RNF138: variants seen among roughly 807,000 people sequenced by gnomAD.
The protein encoded by RNF138 is E3 ubiquitin-protein ligase RNF138.
In RNF138, 12 loss-of-function variants were observed where a neutral mutation model predicts 31.0. The ratio of observed to expected loss-of-function variants is 0.39; its 90% CI spans 0.25 to 0.63. The LOEUF (loss-of-function observed/expected upper bound fraction) is 0.63, where lower values mean the gene tolerates loss of function less well. Among genes scored for constraint, RNF138 ranks in the 20% least tolerant of loss-of-function variants. The pLI is 0.52. For missense variants in RNF138, 192 were observed against 300.1 expected (o/e 0.64, Z 2.66); for synonymous variants, 105 against 99.5 (o/e 1.06, Z -0.33).
chr18:32,101,056 G>C (rs918196474), intron 2 of RNF138, among the ~76,000 whole-genome samples: 3 of 152,144 alleles, frequency 2.0e-5, no homozygotes, highest in African/African-American at 7.2e-5. Context: ...ATATCTAAGA[G>C]AGATATAGGT....
At chr18:32,108,306 C>T (rs1215369915) in intron 2 of RNF138, among the ~76,000 whole-genome samples, 1 of 152,150 alleles carries the variant, frequency 6.6e-6, no homozygotes, top group African/African-American at 2.4e-5. Flanking sequence ...CCCAGAAACT[C>T]CCCTAATGTT....
rs535284494 is a variant in RNF138 at position 32,100,512 on chromosome 18, G to C, written c.110+7626G>C. ...TTTTTTGAGACGGAGTTTTGCTCTT[G>C]TTGGCCAGGCTGGAGTGCAATGGCG... On this transcript the variant is annotated intron_variant, in intron 2 of 7. Transcript: ENST00000261593. Among the ~76,000 whole-genome samples the C allele has an allele frequency of 8.7e-3, 896 of 103,490 alleles. 15 individuals are homozygous for C. The highest frequency in any genetic ancestry group is 0.032 in the African/African-American group (865 of 27,240). 67.9% of individuals were successfully genotyped at this position (103,490 alleles called of 152,430 possible).
At chr18:32,093,148 C>CCCGCTCTT (rs1388431939) in intron 2 of RNF138, among the ~76,000 whole-genome samples, 3 of 150,024 alleles carry the variant, frequency 2.0e-5, no homozygotes, top group Non-Finnish European at 3.0e-5. Context: ...CTCCCGCTCT[C>CCCGCTCTT]CCTGGCTTTC....
chr18:32,116,692 TG>T (rs1367493212), intron 4 of RNF138, among the ~76,000 whole-genome samples: 1 of 151,624 alleles, frequency 6.6e-6, no homozygotes, highest in Non-Finnish European at 1.5e-5. Context: ...GCTAGGACCA[TG>T]GGCGCATGCC....
In RNF138 at chr18:32,092,784, A is replaced by C. The variant is rs768736694; in HGVS notation, c.8A>C (p.Glu3Ala). MAEDLSAATSYTE... is the reference protein window; with the variant it reads MAADLSAATSYTE... ...GTTTCCCCATCCCCCGCCATGGCCGAGGACCTCTCTGCGGCCACGTCCTAC... is the reference window on the plus strand; with the variant it reads ...GTTTCCCCATCCCCCGCCATGGCCGCGGACCTCTCTGCGGCCACGTCCTAC... Residue 3 changes from glutamate (E) to alanine (A), a missense_variant, in exon 2 of 8, where the codon GAG (glutamate) becomes GCG (alanine). Coordinates refer to ENST00000261593, the MANE Select transcript of RNF138 (RefSeq NM_016271.5). 3.2e-6 allele frequency: 5 copies of C among 1,581,330 alleles called. No individual in the cohort carries two copies. In the South Asian group the frequency reaches 4.6e-5, roughly 15 times the overall value.
intron 5 of RNF138, 78 bp downstream of exon 5, chr18:32,123,652 C>CTTTTT: frequency 1.4e-5 from 9 of 636,952 alleles, no homozygotes; most frequent in South Asian, 5.0e-5. Context: ...TTAAATTAAA[C>CTTTTT]TTTTTTTTTT....
intron 4 of RNF138, among the ~76,000 whole-genome samples, chr18:32,121,200 AT>A (rs1365350671): frequency 6.6e-6 from 1 of 151,624 alleles, no homozygotes; most frequent in East Asian, 1.9e-4. Context: ...TAAAATAAAA[AT>A]TTTTTCAATC....
rs2039699090 is a variant in RNF138 at position 32,092,077 on chromosome 18, C to T, written c.-236C>T. The T allele has an allele frequency of 6.6e-6, 1 of 152,478 alleles. No individual in the cohort carries two copies. The highest frequency in any genetic ancestry group is 2.0e-4 in the South Asian group (1 of 4,882). The allele number at this position is 152,478 out of a possible 1,614,324, so 9.4% of individuals were successfully genotyped here. Reference sequence around the variant, plus strand: ...CCTCGGCTCCGGCCCCGTTAGGGGCCGATAAGCACAGCGCACGCCGCCCTC... The same window carrying T: ...CCTCGGCTCCGGCCCCGTTAGGGGCTGATAAGCACAGCGCACGCCGCCCTC... On this transcript the variant is annotated 5_prime_UTR_variant, in exon 1 of 8. The change creates a premature stop within an existing upstream ORF in the 5' untranslated region. Coordinates refer to ENST00000261593, the MANE Select transcript of RNF138 (RefSeq NM_016271.5).
At chr18:32,106,789 AT>A (rs1456940375) in intron 2 of RNF138, among the ~76,000 whole-genome samples, 9 of 151,872 alleles carry the variant, frequency 5.9e-5, no homozygotes, top group African/African-American at 2.2e-4. Context: ...GATGATCTTG[AT>A]TTCCTGACCT....
intron 2 of RNF138, among the ~76,000 whole-genome samples, chr18:32,095,588 TAG>T (rs926452112): frequency 1.3e-5 from 2 of 152,272 alleles, no homozygotes; most frequent in East Asian, 1.9e-4. Context: ...GATTCACGAA[TAG>T]AGAGTTGAAG....
At chr18:32,108,111 C>T (rs1399590156) in intron 2 of RNF138, among the ~76,000 whole-genome samples, 2 of 150,476 alleles carry the variant, frequency 1.3e-5, no homozygotes, top group African/African-American at 4.9e-5. Context: ...CGCCTCGGCT[C>T]CTCAAGGTGC....
At chr18:32,114,495 A>T (rs770801382) in intron 4 of RNF138, among the ~76,000 whole-genome samples, 77 of 152,316 alleles carry the variant, frequency 5.1e-4, no homozygotes, top group Middle Eastern at 3.4e-3. Flanking sequence ...TCAAGAAAGA[A>T]CATTTTTCAA....
At position 32,108,655 on chromosome 18, in the gene RNF138, A is replaced by G. The variant is rs555805762; in HGVS notation, c.111-3099A>G. Among the ~76,000 whole-genome samples the G allele has an allele frequency of 2.6e-5, 4 of 152,100 alleles. No homozygotes were observed. The South Asian group carries it at 8.3e-4, about 32-fold the overall frequency. On this transcript the variant is annotated intron_variant, in intron 2 of 7. Transcript: ENST00000261593. The stretch of plus-strand genomic sequence containing the variant: ...TTTCTAGCAAATTTTTTCTGATTAT[A>G]TATGTAATTTTTGTTTTGTTTGGTT...
rs536962231 is a variant in RNF138, at chr18:32,131,241, A to AAAAT, written c.*2056_*2059dup. On this transcript the variant is annotated 3_prime_UTR_variant, in exon 8 of 8. Transcript: ENST00000261593. ...CTCACATATCAGCTTTTTCATAAGGAAAATACTTTATTTGCTTTTATCTGA... is the reference window on the plus strand; with the variant it reads ...CTCACATATCAGCTTTTTCATAAGGAAAATAAATACTTTATTTGCTTTTATCTGA... 1.3e-3 allele frequency: 195 copies of AAAAT among 152,254 alleles called. No individual in the cohort carries two copies. Among genetic ancestry groups the AAAAT allele is most frequent in the African/African-American group, 4.4e-3 (182 of 41,588 alleles). 9.4% of individuals were successfully genotyped at this position (152,254 alleles called of 1,614,324 possible).
At chr18:32,096,970 C>T (rs2039819256) in intron 2 of RNF138, among the ~76,000 whole-genome samples, 1 of 152,090 alleles carries the variant, frequency 6.6e-6, no homozygotes, top group Non-Finnish European at 1.5e-5. Flanking sequence ...GGGTGCAAAC[C>T]GTCCTCCTGC....
At chr18:32,093,852 C>T (rs897032988) in intron 2 of RNF138, among the ~76,000 whole-genome samples, 1 of 152,190 alleles carries the variant, frequency 6.6e-6, no homozygotes, top group Non-Finnish European at 1.5e-5. Flanking sequence ...TGATCAGAGT[C>T]CCCGGGGAAC....
Position 32,092,895 on chromosome 18 carries a change from A to T in RNF138, c.110+9A>T, listed in dbSNP as rs1331451352. 1 of 1,475,544 alleles carries T rather than the reference A, an allele frequency of 6.8e-7. No homozygotes were observed. Among genetic ancestry groups the T allele is most frequent in the African/African-American group, 1.4e-5 (1 of 69,136 alleles). 91.4% of individuals were successfully genotyped at this position (1,475,544 alleles called of 1,614,324 possible). A position where few individuals can be genotyped will look rare whatever the true frequency, so the allele number is the denominator to read the frequency against. ...ACGGCCTGTCAGCACGTGTGAGTAG[A>T]CGCCCCCTCCCCCTCGCGGAGCCGG... On this transcript the variant is annotated intron_variant, in intron 2 of 7. Transcript: ENST00000261593.
Position 32,129,329 on chromosome 18 carries a change from T to A in RNF138, c.*142T>A. 1.8e-6 allele frequency: 1 copy of A among 570,542 alleles called. No homozygotes were observed. Among genetic ancestry groups the A allele is most frequent in the Non-Finnish European group, 3.1e-6 (1 of 322,756 alleles). 35.3% of individuals were successfully genotyped at this position (570,542 alleles called of 1,614,324 possible). A position where few individuals can be genotyped will look rare whatever the true frequency, so the allele number is the denominator to read the frequency against. ...TTTAGTTTTTGATTGAAAATAAAGG[T>A]AGGGCTTCTAAAAACTTCATCATCT... On this transcript the variant is annotated 3_prime_UTR_variant, in exon 8 of 8. Transcript: ENST00000261593.
At chr18:32,105,478 A>G (rs958772833) in intron 2 of RNF138, among the ~76,000 whole-genome samples, 1 of 152,236 alleles carries the variant, frequency 6.6e-6, no homozygotes, top group Non-Finnish European at 1.5e-5. Flanking sequence ...GGAACTTTTT[A>G]TCTTTGATAG....
Sources: allele counts gnomAD v4.1 joint callset (sites outside exome capture counted in the v4.1 genomes callset), GRCh38; gene constraint gnomAD v4.1.1; transcripts MANE v1.5; gene names NCBI Gene and HGNC (gene_info 2026-07-23, HGNC 2026-07-21).